Variants in PYCR2 observed in about 807,000 individuals in gnomAD.
PYCR2 encodes pyrroline-5-carboxylate reductase 2, also known as P5C reductase 2.
A neutral mutation model predicts 23.4 loss-of-function variants in PYCR2; 17 were observed. That is an observed-to-expected ratio of 0.73 (90% confidence interval 0.50 to 1.09). The LOEUF is 1.09. PYCR2 is among the 50% of genes least tolerant of loss of function. The pLI is 0.00. For synonymous variants in PYCR2, 172 were observed against 176.6 expected (o/e 0.97, Z 0.21); for missense variants, 380 against 423.5 (o/e 0.90, Z 0.90).
Position 225,921,330 on chromosome 1 carries a change from G to C in PYCR2, c.675C>G (p.Cys225Trp), listed in dbSNP as rs150765933. The change falls in exon 6 of 7, where the codon TGC becomes TGG. Residue 225 changes from cysteine to tryptophan, a missense_variant. Cys to Trp is a radical substitution (Grantham distance 215). Coordinates refer to ENST00000343818, the MANE Select transcript of PYCR2 (RefSeq NM_013328.4). The surrounding 1 kb of genome is among the most constrained non-coding windows in gnomAD (Gnocchi z 4.2). ...GGGAGCAGACATTGTCCTTAAGCTG[G>C]CATGGATGCTGCTCCGAGTCCAGCA... The part of the protein sequence containing the change: ...KMLLDSEQHP[C>W]QLKDNVCSPG... 3.8e-6 allele frequency: 6 copies of C among 1,565,596 alleles called. No homozygotes were observed.
rs1336296444 is a variant in PYCR2 at position 225,920,401 on chromosome 1, G to A, written c.*54C>T. 4 of 1,327,704 alleles carry A rather than the reference G, an allele frequency of 3.0e-6. No homozygotes were observed. The highest frequency in any genetic ancestry group is 2.0e-6 in the Non-Finnish European group (2 of 986,782). 82.2% of individuals were successfully genotyped at this position (1,327,704 alleles called of 1,614,324 possible). ...GGAGCGGGGCAGGGGGGTGGCAGGG[G>A]CGGCAGGGGCTCTCAACTAAGGGCT... On this transcript the variant is annotated 3_prime_UTR_variant, in exon 7 of 7. Coordinates refer to ENST00000343818, the MANE Select transcript of PYCR2 (RefSeq NM_013328.4).
At chr1:225,920,725 C>T (rs1427129890) in intron 6 of PYCR2, 105 bp from the exon 7 acceptor site, 23 of 1,345,284 alleles carry the variant, frequency 1.7e-5, no homozygotes, top group Non-Finnish European at 2.0e-5. Context: ...GATGTGACAC[C>T]ACCAAAAATT....
intron 2 of PYCR2, 71 bp downstream of exon 2, chr1:225,923,630 G>C: frequency 6.2e-7 from 1 of 1,609,812 alleles, no homozygotes; most frequent in Admixed American, 1.7e-5. Context: ...GGGCCGGCCA[G>C]ACTCACTTCA....
chr1:225,921,290 T>C lies in PYCR2; in HGVS notation c.715A>G (p.Ile239Val), dbSNP rs1209642382. 1 of 1,609,656 alleles carries C rather than the reference T, an allele frequency of 6.2e-7. No homozygotes were observed. Residue 239 changes from isoleucine (I) to valine (V), a missense_variant, in exon 6 of 7, where the codon ATC becomes GTC. By Grantham distance (29) the Ile-to-Val change is conservative. Coordinates refer to ENST00000343818, the MANE Select transcript of PYCR2 (RefSeq NM_013328.4). This position sits in a 1 kb window ranked among gnomAD's most constrained non-coding sequence, Gnocchi z 4.2. Reference protein sequence around the residue: ...DNVCSPGGATIHALHFLESGG... With the variant: ...DNVCSPGGATVHALHFLESGG... ...CTCTCTAGAAAGTGCAGGGCGTGGA[T>C]GGTGGCTCCCCCAGGGGAGCAGACA...
At position 225,920,341 on chromosome 1, in the gene PYCR2, C is replaced by T. The variant is rs1193874989; in HGVS notation, c.*114G>A. The T allele has an allele frequency of 9.4e-6, 10 of 1,064,168 alleles. No homozygotes were observed. The highest frequency in any genetic ancestry group is 1.3e-5 in the Non-Finnish European group (10 of 781,576). 65.9% of individuals were successfully genotyped at this position (1,064,168 alleles called of 1,614,324 possible). A position where few individuals can be genotyped will look rare whatever the true frequency, so the allele number is the denominator to read the frequency against. ...AGGACCTGAAAACTTCCTAAGCATGCTTTCTCCTTGCACAGCTGAGGAGGG... is the reference window on the plus strand; with the variant it reads ...AGGACCTGAAAACTTCCTAAGCATGTTTTCTCCTTGCACAGCTGAGGAGGG... On this transcript the variant is annotated 3_prime_UTR_variant, in exon 7 of 7. Coordinates refer to ENST00000343818, the MANE Select transcript of PYCR2 (RefSeq NM_013328.4).
In PYCR2 at chr1:225,924,189, A is replaced by C. The variant is rs1234306781; in HGVS notation, c.-79T>G. ...GGAAGTAACGCTAGGGGAAGGGCGG[A>C]CAGCGCAGGGGCGAACGGGCGGCGT... On this transcript the variant is annotated 5_prime_UTR_variant, in exon 1 of 7. Transcript: ENST00000343818. 1 of 1,460,390 alleles carries C rather than the reference A, an allele frequency of 6.8e-7. No individual in the cohort carries two copies. The highest frequency in any genetic ancestry group is 1.4e-5 in the African/African-American group (1 of 70,868). 90.5% of individuals were successfully genotyped at this position (1,460,390 alleles called of 1,614,324 possible). A position where few individuals can be genotyped will look rare whatever the true frequency, so the allele number is the denominator to read the frequency against.
At position 225,921,450 on chromosome 1, in the gene PYCR2, C is replaced by A; in HGVS notation, c.634-79G>T. ...TCCCATACCCACTGCTCCTGCCCAA[C>A]TGCTACCCCAGCTTCCCAACCAACT... On this transcript the variant is annotated intron_variant, in intron 5 of 6. Transcript: ENST00000343818. This position sits in a 1 kb window ranked among gnomAD's most constrained non-coding sequence, Gnocchi z 4.2. 3.9e-6 allele frequency: 6 copies of A among 1,539,960 alleles called. No homozygotes were observed. Among genetic ancestry groups the A allele is most frequent in the South Asian group, 1.1e-5 (1 of 87,774 alleles).
Position 225,921,767 on chromosome 1 carries a change from A to G in PYCR2, c.540+91T>C. The G allele has an allele frequency of 1.3e-6, 2 of 1,583,790 alleles. No individual in the cohort carries two copies. The highest frequency in any genetic ancestry group is 1.7e-6 in the Non-Finnish European group (2 of 1,156,894). The stretch of plus-strand genomic sequence containing the variant: ...CCTGTACCAGCCAGCTGTGCCCAAG[A>G]GGTGGGCGCCACCCCCAGTCCAAGC... On this transcript the variant is annotated intron_variant, in intron 4 of 6. Coordinates refer to ENST00000343818, the MANE Select transcript of PYCR2 (RefSeq NM_013328.4). The surrounding 1 kb of genome is among the most constrained non-coding windows in gnomAD (Gnocchi z 4.2).
In PYCR2 at chr1:225,920,386, A is replaced by AG. The variant is rs892340489; in HGVS notation, c.*68dup. 2.5e-6 allele frequency: 3 copies of AG among 1,211,460 alleles called. No homozygotes were observed. Among genetic ancestry groups the AG allele is most frequent in the African/African-American group, 3.1e-5 (1 of 32,220 alleles). The allele number at this position is 1,211,460 out of a possible 1,614,324, so 75.0% of individuals were successfully genotyped here. A position where few individuals can be genotyped will look rare whatever the true frequency, so the allele number is the denominator to read the frequency against. On this transcript the variant is annotated 3_prime_UTR_variant, in exon 7 of 7. Coordinates refer to ENST00000343818, the MANE Select transcript of PYCR2 (RefSeq NM_013328.4). ...GGAGGGGCAATGGTGGGAGCGGGGC[A>AG]GGGGGGTGGCAGGGGCGGCAGGGGC...
chr1:225,922,523 C>G, intron 2 of PYCR2, 140 bp from the exon 3 acceptor site: 1 of 791,222 alleles, frequency 1.3e-6, no homozygotes, highest in Non-Finnish European at 2.0e-6. Flanking sequence ...CAGGGTTCTA[C>G]CCCTACCCCA....
chr1:225,923,455 T>A, intron 2 of PYCR2: 3 of 1,366,512 alleles, frequency 2.2e-6, no homozygotes, highest in Non-Finnish European at 1.9e-6. Context: ...TTTCATCACA[T>A]AATCACCTCA....
Position 225,921,253 on chromosome 1 carries a change from C to T in PYCR2, c.752G>A (p.Arg251His), listed in dbSNP as rs763294561. The change falls in exon 6 of 7, where the codon CGC becomes CAC. Residue 251 changes from arginine (R) to histidine (H), a missense_variant. Transcript: ENST00000343818. This position sits in a 1 kb window ranked among gnomAD's most constrained non-coding sequence, Gnocchi z 4.2. ...CTCAACTGCATTGATGAGCAGAGAGCGGAAGCCCCCACTCTCTAGAAAGTG... is the reference window on the plus strand; with the variant it reads ...CTCAACTGCATTGATGAGCAGAGAGTGGAAGCCCCCACTCTCTAGAAAGTG... ...ALHFLESGGF[R>H]SLLINAVEAS... 6.2e-6 allele frequency: 10 copies of T among 1,613,900 alleles called. No individual in the cohort carries two copies. The highest frequency in any genetic ancestry group is 2.2e-5 in the East Asian group (1 of 44,886).
At chr1:225,923,460 A>ACC in intron 2 of PYCR2, 1 of 1,376,184 alleles carries the variant, frequency 7.3e-7, no homozygotes, top group Non-Finnish European at 9.4e-7. Context: ...TCACATAATC[A>ACC]CCTCAGTTAA....
chr1:225,921,328 T>A lies in PYCR2; in HGVS notation c.677A>T (p.Gln226Leu). The change falls in exon 6 of 7, where the codon CAG becomes CTG. Residue 226 changes from glutamine (Q) to leucine (L), a missense_variant. Coordinates refer to ENST00000343818, the MANE Select transcript of PYCR2 (RefSeq NM_013328.4). This position sits in a 1 kb window ranked among gnomAD's most constrained non-coding sequence, Gnocchi z 4.2. ...MLLDSEQHPC[Q>L]LKDNVCSPGG... ...AGGGGAGCAGACATTGTCCTTAAGC[T>A]GGCATGGATGCTGCTCCGAGTCCAG... The A allele has an allele frequency of 6.4e-7, 1 of 1,567,120 alleles. No individual in the cohort carries two copies. Among genetic ancestry groups the A allele is most frequent in the Admixed American group, 1.7e-5 (1 of 59,936 alleles).
chr1:225,922,389 A>G lies in PYCR2; in HGVS notation c.139-6T>C. On this transcript the variant is annotated splice_polypyrimidine_tract_variant and splice_region_variant and intron_variant, in intron 2 of 6. Transcript: ENST00000343818. ...GTCAGGTTCACACCCATCTTCTGCA[A>G]GAGGAGACTCCCAGCTCACAGTGCT... 6.2e-7 allele frequency: 1 copy of G among 1,601,832 alleles called. No individual in the cohort carries two copies. Among genetic ancestry groups the G allele is most frequent in the South Asian group, 1.1e-5 (1 of 90,870 alleles).
Position 225,923,535 on chromosome 1 carries a change from T to C in PYCR2, c.138+166A>G, listed in dbSNP as rs1055953554. The C allele has an allele frequency of 1.9e-4, 278 of 1,462,170 alleles. 1 individual carries two copies. The highest frequency in any genetic ancestry group is 5.0e-4 in the Middle Eastern group (2 of 3,974). 90.6% of individuals were successfully genotyped at this position (1,462,170 alleles called of 1,614,324 possible). A position where few individuals can be genotyped will look rare whatever the true frequency, so the allele number is the denominator to read the frequency against. Reference sequence around the variant, plus strand: ...TGTCTCCCTGGGTGTTCCCACCACATTGAGCTGCCCAAGAGAAGGTGGAAA... The same window carrying C: ...TGTCTCCCTGGGTGTTCCCACCACACTGAGCTGCCCAAGAGAAGGTGGAAA... On this transcript the variant is annotated intron_variant, in intron 2 of 6. Coordinates refer to ENST00000343818, the MANE Select transcript of PYCR2 (RefSeq NM_013328.4).
In PYCR2 at chr1:225,921,184, C is replaced by G. The variant is rs529382156; in HGVS notation, c.797+24G>C. 1 of 1,602,766 alleles carries G rather than the reference C, an allele frequency of 6.2e-7. No homozygotes were observed. The highest frequency in any genetic ancestry group is 1.7e-5 in the Admixed American group (1 of 59,074). Reference sequence around the variant, plus strand: ...CCAACCAGGACTGAAGGGTCTGGGACAGAAGTCCGCGGGATGGACTCACCG... The same window carrying G: ...CCAACCAGGACTGAAGGGTCTGGGAGAGAAGTCCGCGGGATGGACTCACCG... On this transcript the variant is annotated intron_variant, in intron 6 of 6. Coordinates refer to ENST00000343818, the MANE Select transcript of PYCR2 (RefSeq NM_013328.4). The surrounding 1 kb of genome is among the most constrained non-coding windows in gnomAD (Gnocchi z 4.2).
rs368424961 is a variant in PYCR2 at position 225,922,300 on chromosome 1, G to A, written c.222C>T (p.Ile74=). 1.9e-6 allele frequency: 3 copies of A among 1,614,120 alleles called. No homozygotes were observed. In the African/African-American group the frequency reaches 4.0e-5, roughly 22 times the overall value. ...DVLFLAVKPH[I]IPFILDEIGA... is the part of the protein sequence containing the mutation. The stretch of plus-strand genomic sequence containing the variant: ...CAATCTCATCCAGGATGAAGGGGAT[G>A]ATATGTGGCTTCACAGCCAGAAACA... Residue 74 remains isoleucine, a synonymous_variant, in exon 3 of 7, where the codon ATC becomes ATT. Coordinates refer to ENST00000343818, the MANE Select transcript of PYCR2 (RefSeq NM_013328.4).
rs1671846426 is a variant in PYCR2 at position 225,921,736 on chromosome 1, C to G, written c.541-92G>C. The G allele has an allele frequency of 6.3e-6, 10 of 1,583,668 alleles. No homozygotes were observed. The South Asian group carries it at 1.1e-4, about 18-fold the overall frequency. On this transcript the variant is annotated intron_variant, in intron 4 of 6. Transcript: ENST00000343818. This position sits in a 1 kb window ranked among gnomAD's most constrained non-coding sequence, Gnocchi z 4.2. ...GATGACTAGAACTAGCTCCAAGGGT[C>G]AGCATCCTGTACCAGCCAGCTGTGC...
Sources: allele counts gnomAD v4.1 joint callset, GRCh38; gene constraint gnomAD v4.1.1; non-coding constraint Gnocchi (gnomAD v3.1); transcripts MANE v1.5; gene names NCBI Gene and HGNC (gene_info 2026-07-23, HGNC 2026-07-21).